Variants in ZNF800 observed in about 807,000 individuals in gnomAD.
ZNF800 encodes zinc finger protein 800.
A neutral mutation model predicts 59.5 loss-of-function variants in ZNF800; 13 were observed. The ratio of observed to expected loss-of-function variants is 0.22; its 90% CI spans 0.14 to 0.35. The LOEUF (loss-of-function observed/expected upper bound fraction) is 0.35. Ranked by LOEUF, ZNF800 falls within the 10% of genes least tolerant of loss-of-function variation. The pLI, the probability that ZNF800 is intolerant of heterozygous loss-of-function variation, is 1.00. For synonymous variants in ZNF800, 266 were observed against 265.7 expected, an observed-to-expected ratio of 1.00 and a Z score of -0.01; for missense variants, 621 against 783.7, an observed-to-expected ratio of 0.79 and a Z score of 2.48.
chr7:127,350,309 T>A (rs1800147193), intron 1 of ZNF800: 1 of 152,240 alleles, frequency 6.6e-6, no homozygotes, highest in Non-Finnish European at 1.5e-5. Context: ...GGATTATGCC[T>A]CCGTTCTCTT....
chr7:127,378,718 T>TACAC lies in ZNF800; in HGVS notation c.158-1393_158-1390dup, dbSNP rs112511268. 4.4e-3 allele frequency among the ~76,000 whole-genome samples: 653 copies of TACAC among 149,504 alleles called. 2 individuals carry two copies. Among genetic ancestry groups the TACAC allele is most frequent in the Non-Finnish European group, 7.1e-3 (477 of 67,156 alleles). ...AATCATTTCCCCCACCCCCACAACA[T>TACAC]ACACACACACACAGAGAGAGAGAGA... On this transcript the variant is annotated intron_variant, in intron 3 of 5. Coordinates refer to ENST00000265827, the MANE Select transcript of ZNF800 (RefSeq NM_176814.5).
chr7:127,379,992 C>A (rs540886519), intron 3 of ZNF800, among the ~76,000 whole-genome samples: 91 of 151,842 alleles, frequency 6.0e-4, no homozygotes, highest in Non-Finnish European at 1.1e-3. Context: ...ACTTTTCAGG[C>A]CTTCACCTAT....
intron 1 of ZNF800, chr7:127,364,452 A>C (rs1415282362): frequency 6.6e-6 from 1 of 152,188 alleles, no homozygotes; most frequent in Non-Finnish European, 1.5e-5. Context: ...AGTCTGATAT[A>C]GAAGGAAAAC....
At chr7:127,353,041 TC>T (rs1218051970) in intron 1 of ZNF800, among the ~76,000 whole-genome samples, 2 of 151,856 alleles carry the variant, frequency 1.3e-5, no homozygotes, top group African/African-American at 2.4e-5. Context: ...AGTGGTTTTT[TC>T]CCCCCAATGG....
Position 127,371,426 on chromosome 7 carries a change from A to T in ZNF800, c.*388T>A, listed in dbSNP as rs964172786. On this transcript the variant is annotated 3_prime_UTR_variant, in exon 6 of 6. Transcript: ENST00000265827. The stretch of plus-strand genomic sequence containing the variant: ...AAGAGAAACAAAACTAAAATCACTA[A>T]GATATAAAGTCTTTGTCAATTAAAA... 5 of 164,320 alleles carry T rather than the reference A, an allele frequency of 3.0e-5. No individual in the cohort carries two copies. The highest frequency in any genetic ancestry group is 6.4e-5 in the Admixed American group (1 of 15,732). The allele number at this position is 164,320 out of a possible 1,614,324, so 10.2% of individuals were successfully genotyped here.
chr7:127,373,332 T>C lies in ZNF800; in HGVS notation c.1994+10A>G, dbSNP rs780633277. On this transcript the variant is annotated intron_variant, in intron 5 of 5. Coordinates refer to ENST00000265827, the MANE Select transcript of ZNF800 (RefSeq NM_176814.5). ...GGGAAAAAAGCAAAACTCTGTTAAC[T>C]GTTCCTCACCAGACAAGAGCCTTAG... The C allele has an allele frequency of 6.4e-7, 1 of 1,557,276 alleles. No homozygotes were observed. The highest frequency in any genetic ancestry group is 2.1e-5 in the Admixed American group (1 of 47,646).
intron 1 of ZNF800, chr7:127,349,900 T>G (rs140149498): frequency 6.6e-6 from 1 of 152,216 alleles, no homozygotes; most frequent in South Asian, 2.1e-4. Flanking sequence ...TGATTTCAAT[T>G]TAACTCAACA....
intron 1 of ZNF800, among the ~76,000 whole-genome samples, chr7:127,356,809 TA>T (rs985486616): frequency 3.3e-5 from 5 of 151,970 alleles, no homozygotes; most frequent in South Asian, 2.1e-4. Context: ...CATAAGGGAA[TA>T]AAAAAATTGT....
At chr7:127,348,256 G>T (rs1587417935) in intron 1 of ZNF800, among the ~76,000 whole-genome samples, 1 of 152,008 alleles carries the variant, frequency 6.6e-6, no homozygotes, top group East Asian at 1.9e-4. Context: ...GCAACAACTT[G>T]GTGGCAATTT....
At chr7:127,391,475 C>T in intron 2 of ZNF800, 22 bp downstream of exon 2, 1 of 1,613,678 alleles carries the variant, frequency 6.2e-7, no homozygotes, top group Non-Finnish European at 8.5e-7. Flanking sequence ...GGCAAAGCAA[C>T]TGCGGACGAA....
chr7:127,379,336 T>C (rs936404135), intron 3 of ZNF800, among the ~76,000 whole-genome samples: 10 of 152,152 alleles, frequency 6.6e-5, no homozygotes, highest in South Asian at 2.1e-4. Context: ...GAAATGTAGG[T>C]GAGCATAGTA....
chr7:127,345,101 A>C (rs1800033258), downstream of ZNF800, among the ~76,000 whole-genome samples: 1 of 152,212 alleles, frequency 6.6e-6, no homozygotes, highest in Non-Finnish European at 1.5e-5. Flanking sequence ...AATATATAAA[A>C]AGTTCTTACA....
chr7:127,345,598 A>G (rs527483968), downstream of ZNF800, among the ~76,000 whole-genome samples: 129 of 152,342 alleles, frequency 8.5e-4, no homozygotes, highest in African/African-American at 3.1e-3. Context: ...TGGAAAAAGC[A>G]GTGTGGCTGC....
chr7:127,372,514 C>A (rs1366115836), intron 5 of ZNF800: 55 of 608,152 alleles, frequency 9.0e-5, no homozygotes, highest in Non-Finnish European at 1.1e-4. Context: ...ATTTTTCTTT[C>A]TTCCAAATAT....
rs146478422 is a variant in ZNF800 at position 127,372,753 on chromosome 7, T to C, written c.1994+589A>G. 6.3e-3 allele frequency: 6,167 copies of C among 985,378 alleles called. 31 individuals are homozygous for C. The highest frequency in any genetic ancestry group is 6.8e-3 in the Non-Finnish European group (5,661 of 829,906). The allele number at this position is 985,378 out of a possible 1,614,324, so 61.0% of individuals were successfully genotyped here. A position where few individuals can be genotyped will look rare whatever the true frequency, so the allele number is the denominator to read the frequency against. On this transcript the variant is annotated intron_variant, in intron 5 of 5. Coordinates refer to ENST00000265827, the MANE Select transcript of ZNF800 (RefSeq NM_176814.5). The stretch of plus-strand genomic sequence containing the variant: ...TCTATTTACCACCAACTTTCCCCCT[T>C]TGCCTGGAAGCACTATGTTAAAAGT...
chr7:127,342,989 C>T (rs183217416), downstream of ZNF800, among the ~76,000 whole-genome samples: 232 of 152,074 alleles, frequency 1.5e-3, no homozygotes, highest in Non-Finnish European at 2.3e-3. Context: ...CTAAATAATA[C>T]ATCAAAAATA....
At chr7:127,357,407 C>A (rs1050270828) in intron 1 of ZNF800, among the ~76,000 whole-genome samples, 1 of 152,068 alleles carries the variant, frequency 6.6e-6, no homozygotes, top group Non-Finnish European at 1.5e-5. Flanking sequence ...TTCCCTTAGA[C>A]TCTGGCTATG....
chr7:127,389,438 T>C (rs1192748624), intron 2 of ZNF800, among the ~76,000 whole-genome samples: 2 of 152,214 alleles, frequency 1.3e-5, no homozygotes, highest in Non-Finnish European at 2.9e-5. Context: ...TGATCTCCTC[T>C]GGAGACTCAC....
downstream of ZNF800, among the ~76,000 whole-genome samples, chr7:127,369,544 T>C (rs558563728): frequency 2.1e-4 from 32 of 152,288 alleles, no homozygotes; most frequent in African/African-American, 7.5e-4. Flanking sequence ...TTGTTTGTTC[T>C]ACCTTTCTAA....
Sources: gnomAD v4.1 joint callset for allele counts (sites outside exome capture counted in the v4.1 genomes callset) on GRCh38, gnomAD v4.1.1 for gene constraint, MANE v1.5 for transcripts, NCBI Gene and HGNC (gene_info 2026-07-23, HGNC 2026-07-21) for gene names.